Variants in GUCY2D observed in about 807,000 individuals in gnomAD.
The protein encoded by GUCY2D is retinal guanylyl cyclase 1.
GUCY2D carries 70 observed loss-of-function variants against 101.3 expected under a neutral mutation model. That is an observed-to-expected ratio of 0.69 (90% CI 0.57 to 0.84). The LOEUF (loss-of-function observed/expected upper bound fraction) is 0.84, where lower values mean the gene tolerates loss of function less well. Ranked by LOEUF, GUCY2D falls within the 40% of genes least tolerant of loss-of-function variation. The pLI is 0.00. For synonymous variants in GUCY2D, 688 were observed against 670.7 expected (o/e 1.03, Z -0.40); for missense variants, 1,460 against 1,542.5 (o/e 0.95, Z 0.90).
intron 19 of GUCY2D, among the ~76,000 whole-genome samples, chr17:8,019,027 G>A (rs374464654): frequency 2.6e-5 from 4 of 152,072 alleles, no homozygotes; most frequent in South Asian, 2.1e-4. Context: ...ATTTAAATAC[G>A]ATGAATTAAA....
In GUCY2D at chr17:8,007,673, C is replaced by T. The variant is rs977959957; in HGVS notation, c.1566+145C>T. 9.7e-5 allele frequency: 64 copies of T among 661,094 alleles called. No individual in the cohort carries two copies. In the Middle Eastern group the frequency reaches 1.9e-3, roughly 19 times the overall value. The allele number at this position is 661,094 out of a possible 1,614,324, so 41.0% of individuals were successfully genotyped here. ...CCCACGTCTGAAGTCTAGGGATCAG[C>T]ACCCTCATCTGTGCAATGAGGGTAA... On this transcript the variant is annotated intron_variant, in intron 6 of 19. Transcript: ENST00000254854.
At position 8,012,517 on chromosome 17, in the gene GUCY2D, A is replaced by G; in HGVS notation, c.2024A>G (p.Asp675Gly). ...GRLKSRNCIVDGRFVLKITDH... is the reference protein window; with the variant it reads ...GRLKSRNCIVGGRFVLKITDH... ...CTGAAGTCACGGAACTGCATAGTGG[A>G]TGGCAGATTCGTACTCAAGATCACT... The change falls in exon 10 of 20, where the codon GAT (aspartate) becomes GGT (glycine). Residue 675 changes from aspartate to glycine, a missense_variant. Physicochemically the swap from Asp to Gly is moderately conservative, Grantham distance 94. Transcript: ENST00000254854. 6.2e-7 allele frequency: 1 copy of G among 1,613,804 alleles called. No individual in the cohort carries two copies. Among genetic ancestry groups the G allele is most frequent in the South Asian group, 1.1e-5 (1 of 91,070 alleles).
rs1976046531 is a variant in GUCY2D at position 8,020,147 on chromosome 17, G to A, written c.*44G>A. Reference sequence around the variant, plus strand: ...CCTTAGGGTCTGGGCCCTGCTCCCTGTCCCATCTGCAGTGGACCCCAGGCA... The same window carrying A: ...CCTTAGGGTCTGGGCCCTGCTCCCTATCCCATCTGCAGTGGACCCCAGGCA... On this transcript the variant is annotated 3_prime_UTR_variant, in exon 20 of 20. Transcript: ENST00000254854. The A allele has an allele frequency of 8.5e-6, 1 of 117,710 alleles. No individual in the cohort carries two copies. The highest frequency in any genetic ancestry group is 2.8e-4 in the South Asian group (1 of 3,630). The allele number at this position is 117,710 out of a possible 1,614,324, so 7.3% of individuals were successfully genotyped here.
chr17:8,016,293 G>A lies in GUCY2D; in HGVS notation c.3224+3G>A, dbSNP rs1258995063. The A allele has an allele frequency of 1.3e-6, 2 of 1,560,128 alleles. No individual in the cohort carries two copies. The highest frequency in any genetic ancestry group is 1.7e-6 in the Non-Finnish European group (2 of 1,150,002). On this transcript the variant is annotated splice_donor_region_variant and intron_variant, in intron 18 of 19. Coordinates refer to ENST00000254854, the MANE Select transcript of GUCY2D (RefSeq NM_000180.4). ...AAACCGCCTGACCTGCAACCGGGGT[G>A]AGGGGCCGGCCTCCGCGGCAGGGCG...
chr17:8,006,634 G>A lies in GUCY2D; in HGVS notation c.1298G>A (p.Arg433Gln), dbSNP rs144151076. The change falls in exon 4 of 20, where the codon CGG becomes CAG. Residue 433 changes from arginine (R) to glutamine (Q), a missense_variant. This residue lies in a region of GUCY2D where 1,196 missense variants were observed against 1,229.6 expected (regional missense o/e 0.97). Coordinates refer to ENST00000254854, the MANE Select transcript of GUCY2D (RefSeq NM_000180.4). ...GGCTCCTTCCTCTCCGCCGGTACCCGGATGCACTTCCCGCGTGGGGGATCA... is the reference window on the plus strand; with the variant it reads ...GGCTCCTTCCTCTCCGCCGGTACCCAGATGCACTTCCCGCGTGGGGGATCA... ...ARGSFLSAGTRMHFPRGGSAP... is the reference protein window; with the variant it reads ...ARGSFLSAGTQMHFPRGGSAP... The A allele has an allele frequency of 6.8e-6, 11 of 1,612,652 alleles. No homozygotes were observed. In the African/African-American group the frequency reaches 9.3e-5, roughly 14 times the overall value.
Position 8,003,624 on chromosome 17 carries a change from C to G in GUCY2D, c.577C>G (p.Leu193Val), listed in dbSNP as rs61750199. Residue 193 changes from leucine (L) to valine (V), a missense_variant, in exon 2 of 20, where the codon CTG becomes GTG. Leu to Val is a conservative substitution (Grantham distance 32, BLOSUM62 1). Coordinates refer to ENST00000254854, the MANE Select transcript of GUCY2D (RefSeq NM_000180.4). ...GGCCCTGGTCACCGCCCCCCAGGAC[C>G]TGTGGGTGGAGGCGGGACGCTCACT... is the stretch of plus-strand genomic sequence containing the variant. ...RVALVTAPQD[L>V]WVEAGRSLST... The G allele has an allele frequency of 6.3e-7, 1 of 1,593,296 alleles. No homozygotes were observed. Among genetic ancestry groups the G allele is most frequent in the Non-Finnish European group, 8.5e-7 (1 of 1,176,626 alleles).
At chr17:8,017,385 C>G (rs895452582) in intron 19 of GUCY2D, among the ~76,000 whole-genome samples, 1 of 152,146 alleles carries the variant, frequency 6.6e-6, no homozygotes, top group Non-Finnish European at 1.5e-5. Flanking sequence ...GGGATTGATG[C>G]CCGACCCCAG....
chr17:8,009,452 C>T, intron 7 of GUCY2D, 54 bp from the exon 8 acceptor site: 1 of 1,115,886 alleles, frequency 9.0e-7, no homozygotes, highest in Non-Finnish European at 1.4e-6. Context: ...CTAGGGCTCC[C>T]CATCGTGGGA....
At chr17:8,016,363 C>G (rs1975975870) in intron 18 of GUCY2D, 73 bp downstream of exon 18, 4 of 1,432,498 alleles carry the variant, frequency 2.8e-6, no homozygotes, top group Middle Eastern at 1.8e-4. Context: ...TGACCCCCCG[C>G]GCGCGAGGCA....
chr17:8,007,524 G>A lies in GUCY2D; in HGVS notation c.1562G>A (p.Arg521Gln), dbSNP rs751520851. The A allele has an allele frequency of 1.5e-5, 23 of 1,584,376 alleles. No individual in the cohort carries two copies. The East Asian group carries it at 2.0e-4, about 14-fold the overall frequency. Residue 521 changes from arginine (R) to glutamine (Q), a missense_variant, in exon 6 of 20, where the codon CGA becomes CAA. Arg to Gln is a conservative substitution (Grantham distance 43). Around this residue, in one of 3 missense-constraint regions of GUCY2D, gnomAD observed 1,196 missense variants for 1,229.6 expected, o/e 0.97. Transcript: ENST00000254854. ...TFLHPHGGTS[R>Q]KVAQGSRSSL... is the part of the protein sequence containing the mutation. ...CTCCACCCACATGGGGGCACCTCTC[G>A]AAAGGTGGGGGAGGCAGAGAGGCAG...
chr17:8,005,253 A>T (rs1403163330), intron 3 of GUCY2D, among the ~76,000 whole-genome samples: 3 of 152,124 alleles, frequency 2.0e-5, no homozygotes, highest in Admixed American at 6.5e-5. Flanking sequence ...CCCCAGCCCA[A>T]ATCCCAAAAC....
rs1975910698 is a variant in GUCY2D at position 8,013,996 on chromosome 17, C to T, written c.2380C>T (p.Leu794Phe). The T allele has an allele frequency of 1.2e-6, 2 of 1,613,616 alleles. No homozygotes were observed. Among genetic ancestry groups the T allele is most frequent in the Admixed American group, 1.7e-5 (1 of 60,010 alleles). The change falls in exon 12 of 20, where the codon CTT becomes TTT. Residue 794 changes from leucine (L) to phenylalanine (F), a missense_variant. Transcript: ENST00000254854. This position sits in a 1 kb window ranked among gnomAD's most constrained non-coding sequence, Gnocchi z 5.0. ...GCAGTGCTGGGCAGAGCAGCCGGAA[C>T]TTCGGCCCTCCATGGACCACACCTT... ...MKQCWAEQPELRPSMDHTFDL... is the reference protein window; with the variant it reads ...MKQCWAEQPEFRPSMDHTFDL...
chr17:8,016,494 G>C lies in GUCY2D; in HGVS notation c.3276G>C (p.Arg1092=). 2.5e-6 allele frequency: 4 copies of C among 1,581,286 alleles called. No individual in the cohort carries two copies. The highest frequency in any genetic ancestry group is 1.7e-6 in the Non-Finnish European group (2 of 1,164,216). ...AGGAGATCCCACCCGAGCGGCGACG[G>C]AAGCTGGAGAAGGCGCGGCCGGGCC... The part of the protein sequence containing the change: ...SLQEIPPERR[R]KLEKARPGQF... Residue 1092 remains arginine, a synonymous_variant, in exon 19 of 20, where the codon CGG becomes CGC. Transcript: ENST00000254854.
chr17:8,015,899 G>T, intron 16 of GUCY2D, 28 bp from the exon 17 acceptor site: 1 of 1,596,464 alleles, frequency 6.3e-7, no homozygotes, highest in Non-Finnish European at 8.5e-7. Context: ...GGTGAGTCCC[G>T]AGCTCACGGC....
Position 8,003,505 on chromosome 17 carries a change from C to G in GUCY2D, c.458C>G (p.Pro153Arg). The G allele has an allele frequency of 6.5e-7, 1 of 1,532,438 alleles. No homozygotes were observed. The highest frequency in any genetic ancestry group is 8.7e-7 in the Non-Finnish European group (1 of 1,145,850). The allele number at this position is 1,532,438 out of a possible 1,614,324, so 94.9% of individuals were successfully genotyped here. Residue 153 changes from proline (P) to arginine (R), a missense_variant, in exon 2 of 20, where the codon CCC becomes CGC. Around this residue, in one of 3 missense-constraint regions of GUCY2D, gnomAD observed 1,196 missense variants for 1,229.6 expected, o/e 0.97. Transcript: ENST00000254854. The stretch of plus-strand genomic sequence containing the variant: ...ATCGCGCTGGTGCCCTGGGGCTGCC[C>G]CTGGACGCAGGCGGAGGGCACCACG... Reference protein sequence around the residue: ...AGIALVPWGCPWTQAEGTTAP... With the variant: ...AGIALVPWGCRWTQAEGTTAP...
In GUCY2D at chr17:8,016,561, C is replaced by A; in HGVS notation, c.*24+7C>A. 3 of 1,363,460 alleles carry A rather than the reference C, an allele frequency of 2.2e-6. No homozygotes were observed. Among genetic ancestry groups the A allele is most frequent in the South Asian group, 1.2e-5 (1 of 80,466 alleles). The allele number at this position is 1,363,460 out of a possible 1,614,324, so 84.5% of individuals were successfully genotyped here. On this transcript the variant is annotated splice_region_variant and intron_variant, in intron 19 of 19. Transcript: ENST00000254854. ...GAGGCCCGGCCCCGGACAGGTACTG[C>A]CCCCTCAGCCCCAACCCCAGCTGCC...
chr17:8,006,693 C>A lies in GUCY2D; in HGVS notation c.1357C>A (p.Pro453Thr). 6.2e-7 allele frequency: 1 copy of A among 1,609,250 alleles called. No individual in the cohort carries two copies. Among genetic ancestry groups the A allele is most frequent in the East Asian group, 2.2e-5 (1 of 44,712 alleles). ...ACCTGACCCCTCGTGCTGGTTCGAT[C>A]CAAACAACATCTGCGGTGGAGGTGA... ...PGPDPSCWFDPNNICGGGLEP... is the reference protein window; with the variant it reads ...PGPDPSCWFDTNNICGGGLEP... The change falls in exon 4 of 20, where the codon CCA (proline) becomes ACA (threonine). Residue 453 changes from proline (P) to threonine (T), a missense_variant. Around this residue, in one of 3 missense-constraint regions of GUCY2D, gnomAD observed 1,196 missense variants for 1,229.6 expected, o/e 0.97. Transcript: ENST00000254854.
At chr17:8,019,610 A>AGCCTCAGCCTCCTCTCTGT (rs1412564614) in intron 19 of GUCY2D, among the ~76,000 whole-genome samples, 2 of 152,060 alleles carry the variant, frequency 1.3e-5, no homozygotes, top group African/African-American at 2.4e-5. Flanking sequence ...CAAAAGATGA[A>AGCCTCAGCCTCCTCTCTGT]GCCTCAGCCT....
chr17:8,009,842 G>A (rs764794547), intron 8 of GUCY2D, among the ~76,000 whole-genome samples: 3 of 152,066 alleles, frequency 2.0e-5, no homozygotes, highest in Non-Finnish European at 4.4e-5. Flanking sequence ...TGGGTGTGGC[G>A]TTACATGCCT....
Sources: gnomAD v4.1 joint callset for allele counts (sites outside exome capture counted in the v4.1 genomes callset) on GRCh38, gnomAD v4.1.1 for gene constraint, gnomAD v4.1.1 regional missense constraint, Gnocchi (gnomAD v3.1) non-coding constraint, MANE v1.5 for transcripts, NCBI Gene and HGNC (gene_info 2026-07-23, HGNC 2026-07-21) for gene names.